Variants in CARNS1 observed in about 807,000 individuals in gnomAD.
CARNS1 encodes carnosine synthase 1, also known as ATP-grasp domain containing 1.
Under a neutral mutation model 74.0 loss-of-function variants are expected in CARNS1, and 61 were observed. The ratio of observed to expected loss-of-function variants is 0.82; its 90% confidence interval spans 0.67 to 1.02. CARNS1 has a LOEUF of 1.02. Among genes scored for constraint, CARNS1 ranks in the 50% least tolerant of loss-of-function variants. CARNS1 has a pLI of 0.00. For synonymous variants in CARNS1, 568 were observed against 605.5 expected, an observed-to-expected ratio of 0.94 and a Z score of 0.91; for missense variants, 1,278 against 1,308.4, an observed-to-expected ratio of 0.98 and a Z score of 0.36.
rs539328267 is a variant in CARNS1 at position 67,418,570 on chromosome 11, C to G, written c.364+50C>G. On this transcript the variant is annotated intron_variant, in intron 4 of 9. Coordinates refer to ENST00000687366, the MANE Select transcript of CARNS1 (RefSeq NM_001166222.2). ...ATCCCCTTCTACAGAAAGGGCAGCCCTGCCCTGGCCCAGCCACATCCCAAA... is the reference window on the plus strand; with the variant it reads ...ATCCCCTTCTACAGAAAGGGCAGCCGTGCCCTGGCCCAGCCACATCCCAAA... 9.4e-6 allele frequency: 14 copies of G among 1,496,206 alleles called. No individual in the cohort carries two copies. The African/African-American group carries it at 2.0e-4, about 21-fold the overall frequency. 92.7% of individuals were successfully genotyped at this position (1,496,206 alleles called of 1,614,324 possible).
Position 67,419,483 on chromosome 11 carries a change from G to T in CARNS1, c.853-4G>T. On this transcript the variant is annotated splice_polypyrimidine_tract_variant and splice_region_variant and intron_variant, in intron 5 of 9. Transcript: ENST00000687366. Reference sequence around the variant, plus strand: ...AGGAGGCCCCTTTCCCCTCCTTGCTGCAGGTAGCTGTGAAGCTCAGTGGCT... The same window carrying T: ...AGGAGGCCCCTTTCCCCTCCTTGCTTCAGGTAGCTGTGAAGCTCAGTGGCT... The T allele has an allele frequency of 6.2e-7, 1 of 1,611,912 alleles. No individual in the cohort carries two copies.
In CARNS1 at chr11:67,418,435, T is replaced by C. The variant is rs185221600; in HGVS notation, c.279T>C (p.Cys93=). ...QDRGQVPRTG[C]PGAEVTLCVL... ...GGCCATGTTCTCTTTCCCGAGGCTG[T>C]CCTGGGGCGGAGGTGACCTTGTGCG... Residue 93 remains cysteine, a synonymous_variant, in exon 4 of 10, where the codon TGT becomes TGC. Coordinates refer to ENST00000687366, the MANE Select transcript of CARNS1 (RefSeq NM_001166222.2). The C allele has an allele frequency of 1.0e-4, 148 of 1,453,782 alleles. No individual in the cohort carries two copies. In the African/African-American group the frequency reaches 2.0e-3, roughly 19 times the overall value. 90.1% of individuals were successfully genotyped at this position (1,453,782 alleles called of 1,614,324 possible).
At position 67,417,228 on chromosome 11, in the gene CARNS1, G is replaced by A. The variant is rs920397787; in HGVS notation, c.4-179G>A. ...AGAACAGTTTACAAAGCACTCCCAC[G>A]GTTGCGTTCCCATTAACAAGCCTTC... is the stretch of plus-strand genomic sequence containing the variant. On this transcript the variant is annotated intron_variant, in intron 2 of 9. Transcript: ENST00000687366. The A allele has an allele frequency of 1.1e-5, 13 of 1,233,628 alleles. No homozygotes were observed. The Admixed American group carries it at 2.5e-4, about 24-fold the overall frequency. 76.4% of individuals were successfully genotyped at this position (1,233,628 alleles called of 1,614,324 possible).
In CARNS1 at chr11:67,423,217, C is replaced by A. The variant is rs1044324045; in HGVS notation, c.1627-158C>A. ...GCCTGTATCAGGTGTCCCACTTCTG[C>A]CCCTTCCATTTATTCAGTCAATCCA... On this transcript the variant is annotated intron_variant, in intron 9 of 9. Coordinates refer to ENST00000687366, the MANE Select transcript of CARNS1 (RefSeq NM_001166222.2). The surrounding 1 kb of genome is among the most constrained non-coding windows in gnomAD (Gnocchi z 5.1). 2.0e-5 allele frequency among the ~76,000 whole-genome samples: 3 copies of A among 152,192 alleles called. No homozygotes were observed. The highest frequency in any genetic ancestry group is 4.4e-5 in the Non-Finnish European group (3 of 68,024).
At chr11:67,417,317 G>A in intron 2 of CARNS1, 90 bp from the exon 3 acceptor site, 1 of 1,270,608 alleles carries the variant, frequency 7.9e-7, no homozygotes, top group Non-Finnish European at 9.9e-7. Flanking sequence ...ACATAGCCCA[G>A]GCTGGGAGAG....
intron 9 of CARNS1, among the ~76,000 whole-genome samples, chr11:67,422,953 G>A (rs994509185): frequency 1.3e-5 from 2 of 152,212 alleles, no homozygotes; most frequent in Non-Finnish European, 2.9e-5. Context: ...GAGCACATGG[G>A]GTGAATTGTG....
rs1415628333 is a variant in CARNS1 at position 67,425,483 on chromosome 11, G to A, written c.*882G>A. On this transcript the variant is annotated 3_prime_UTR_variant, in exon 10 of 10. Coordinates refer to ENST00000687366, the MANE Select transcript of CARNS1 (RefSeq NM_001166222.2). ...GCACACCTAACTAGCATTGGCAGAG[G>A]AGAGTCTACACTCTCTTCCTCATTC... The A allele has an allele frequency of 3.2e-5, 6 of 190,262 alleles. No homozygotes were observed. Among genetic ancestry groups the A allele is most frequent in the East Asian group, 1.3e-4 (1 of 7,738 alleles). The allele number at this position is 190,262 out of a possible 1,614,324, so 11.8% of individuals were successfully genotyped here.
At position 67,424,194 on chromosome 11, in the gene CARNS1, C is replaced by T. The variant is rs567691120; in HGVS notation, c.2446C>T (p.Arg816Cys). ...AGPRLIEINPRMGGFYLRDWI... is the reference protein window; with the variant it reads ...AGPRLIEINPCMGGFYLRDWI... ...GCCTCGGCTTATCGAGATCAACCCC[C>T]GCATGGGTGGCTTCTACCTGCGTGA... Residue 816 changes from arginine to cysteine, a missense_variant, in exon 10 of 10, where the codon CGC becomes TGC. By Grantham distance (180) the Arg-to-Cys change is radical. Coordinates refer to ENST00000687366, the MANE Select transcript of CARNS1 (RefSeq NM_001166222.2). 1.7e-5 allele frequency: 27 copies of T among 1,613,844 alleles called. No individual in the cohort carries two copies. In the Middle Eastern group the frequency reaches 8.2e-4, roughly 49 times the overall value.
chr11:67,422,003 T>C (rs1434927218), intron 9 of CARNS1, among the ~76,000 whole-genome samples: 1 of 151,468 alleles, frequency 6.6e-6, no homozygotes, highest in Non-Finnish European at 1.5e-5. Context: ...TGCCTCAGGC[T>C]CCCGAGTACC....
intron 2 of CARNS1, chr11:67,416,758 G>A (rs544476164): frequency 2.1e-5 from 21 of 986,062 alleles, no homozygotes; most frequent in East Asian, 1.1e-4. Flanking sequence ...TTGGGGGGGC[G>A]CCAGCCTCAG....
At chr11:67,418,571 T>C in intron 4 of CARNS1, 51 bp downstream of exon 4, 2 of 1,495,920 alleles carry the variant, frequency 1.3e-6, no homozygotes, top group South Asian at 1.2e-5. Flanking sequence ...AGGGCAGCCC[T>C]GCCCTGGCCC....
rs771944922 is a variant in CARNS1 at position 67,419,647 on chromosome 11, AGCTGCCCT to A, written c.1017_1024del (p.Pro340ArgfsTer23). ...GTGGAGGCTGTGTACCCACCTGCCC[AGCTGCCCT>A]GCTCAGGTGAGAGCCACCTGGGCTG... On this transcript the variant is annotated frameshift_variant, in exon 6 of 10. Coordinates refer to ENST00000687366, the MANE Select transcript of CARNS1 (RefSeq NM_001166222.2). LOFTEE classifies it high-confidence loss of function. 203 of 1,596,782 alleles carry A rather than the reference AGCTGCCCT, an allele frequency of 1.3e-4. No homozygotes were observed. Among genetic ancestry groups the A allele is most frequent in the Non-Finnish European group, 1.6e-4 (190 of 1,172,698 alleles).
chr11:67,423,273 G>C lies in CARNS1; in HGVS notation c.1627-102G>C. On this transcript the variant is annotated intron_variant, in intron 9 of 9. Coordinates refer to ENST00000687366, the MANE Select transcript of CARNS1 (RefSeq NM_001166222.2). This position sits in a 1 kb window ranked among gnomAD's most constrained non-coding sequence, Gnocchi z 5.1. ...CACATTTATTGAGCACCTAGTGTTT[G>C]TGTACTCGTATCCCCTGAAGGGGCC... 1.7e-6 allele frequency: 2 copies of C among 1,153,412 alleles called. No individual in the cohort carries two copies. The highest frequency in any genetic ancestry group is 2.5e-6 in the Non-Finnish European group (2 of 807,434). The allele number at this position is 1,153,412 out of a possible 1,614,324, so 71.4% of individuals were successfully genotyped here. A position where few individuals can be genotyped will look rare whatever the true frequency, so the allele number is the denominator to read the frequency against.
rs1554987517 is a variant in CARNS1 at position 67,419,639 on chromosome 11, A to T, written c.1005A>T (p.Pro335=). Residue 335 remains proline, a synonymous_variant, in exon 6 of 10, where the codon CCA becomes CCT. Coordinates refer to ENST00000687366, the MANE Select transcript of CARNS1 (RefSeq NM_001166222.2). ...GTGTCCTGGTGGAGGCTGTGTACCC[A>T]CCTGCCCAGCTGCCCTGCTCAGGTG... The part of the protein sequence containing the change: ...EESVLVEAVY[P]PAQLPCSDGP... 6.3e-7 allele frequency: 1 copy of T among 1,598,068 alleles called. No homozygotes were observed. Among genetic ancestry groups the T allele is most frequent in the South Asian group, 1.1e-5 (1 of 88,538 alleles).
In CARNS1 at chr11:67,425,330, A is replaced by G. The variant is rs76863601; in HGVS notation, c.*729A>G. On this transcript the variant is annotated 3_prime_UTR_variant, in exon 10 of 10. Transcript: ENST00000687366. Reference sequence around the variant, plus strand: ...GGTTTCTGTTTTGATCAAGTCTTACATGCCCATTCAGCTTCTAGGCCCCCC... The same window carrying G: ...GGTTTCTGTTTTGATCAAGTCTTACGTGCCCATTCAGCTTCTAGGCCCCCC... 4.4e-3 allele frequency: 1,420 copies of G among 323,246 alleles called. 16 individuals carry two copies. The highest frequency in any genetic ancestry group is 0.027 in the African/African-American group (1,270 of 46,500). The allele number at this position is 323,246 out of a possible 1,614,324, so 20.0% of individuals were successfully genotyped here.
rs1590963254 is a variant in CARNS1, at chr11:67,423,791, T to G, written c.2043T>G (p.Gly681=). Residue 681 remains glycine, a synonymous_variant, in exon 10 of 10, where the codon GGT becomes GGG. Coordinates refer to ENST00000687366, the MANE Select transcript of CARNS1 (RefSeq NM_001166222.2). This position sits in a 1 kb window ranked among gnomAD's most constrained non-coding sequence, Gnocchi z 5.1. The part of the protein sequence containing the change: ...PGVMKLEFGA[G]AVGVRLVEDA... ...TCATGAAGCTGGAGTTCGGGGCAGG[T>G]GCAGTGGGTGTCCGGCTGGTAGAGG... 2 of 1,600,596 alleles carry G rather than the reference T, an allele frequency of 1.2e-6. No homozygotes were observed. The highest frequency in any genetic ancestry group is 1.1e-5 in the South Asian group (1 of 90,324).
Position 67,424,215 on chromosome 11 carries a change from C to T in CARNS1, c.2467C>T (p.Arg823Cys), listed in dbSNP as rs1014621996. Residue 823 changes from arginine to cysteine, a missense_variant, in exon 10 of 10, where the codon CGT (arginine) becomes TGT (cysteine). Physicochemically the swap from Arg to Cys is radical, Grantham distance 180. Transcript: ENST00000687366. Reference sequence around the variant, plus strand: ...CCCCCGCATGGGTGGCTTCTACCTGCGTGATTGGATCCTGGAGCTCTATGG... The same window carrying T: ...CCCCCGCATGGGTGGCTTCTACCTGTGTGATTGGATCCTGGAGCTCTATGG... ...INPRMGGFYLRDWILELYGVD... is the reference protein window; with the variant it reads ...INPRMGGFYLCDWILELYGVD... 9.3e-6 allele frequency: 15 copies of T among 1,613,666 alleles called. No homozygotes were observed. Among genetic ancestry groups the T allele is most frequent in the Non-Finnish European group, 1.2e-5 (14 of 1,179,888 alleles).
Position 67,424,246 on chromosome 11 carries a change from A to C in CARNS1, c.2498A>C (p.Asp833Ala), listed in dbSNP as rs1384102362. ...RDWILELYGV[D>A]LLLAAVMVAC... ...TGGATCCTGGAGCTCTATGGTGTTG[A>C]CCTGCTGCTGGCTGCTGTTATGGTG... The change falls in exon 10 of 10, where the codon GAC (aspartate) becomes GCC (alanine). Residue 833 changes from aspartate to alanine, a missense_variant. Asp to Ala is a moderately radical substitution (Grantham distance 126). This residue lies in a region of CARNS1 where 1,164 missense variants were observed against 1,156.5 expected (regional missense o/e 1.01). Transcript: ENST00000687366. The C allele has an allele frequency of 1.2e-6, 2 of 1,613,194 alleles. No homozygotes were observed. The highest frequency in any genetic ancestry group is 1.7e-5 in the Admixed American group (1 of 59,982).
At chr11:67,416,774 G>C in intron 2 of CARNS1, 1 of 986,384 alleles carries the variant, frequency 1.0e-6, no homozygotes, top group African/African-American at 1.7e-5. Context: ...CTCAGAGAGG[G>C]GAGGGACGTT....
Sources: allele counts gnomAD v4.1 joint callset (sites outside exome capture counted in the v4.1 genomes callset), GRCh38; gene constraint gnomAD v4.1.1; regional missense constraint gnomAD v4.1.1; non-coding constraint Gnocchi (gnomAD v3.1); transcripts MANE v1.5; gene names NCBI Gene and HGNC (gene_info 2026-07-23, HGNC 2026-07-21).